The following PLEC variants were observed in gnomAD, a reference collection of about 807,000 sequenced individuals.
PLEC encodes plectin.
A neutral mutation model predicts 392.8 loss-of-function variants in PLEC; 216 were observed. The observed-to-expected ratio is 0.55, with a 90% CI of 0.49 to 0.62. PLEC has a LOEUF of 0.62. Among genes scored for constraint, PLEC ranks in the 20% least tolerant of loss-of-function variants. The pLI is 0.00. For missense variants in PLEC, 6,863 were observed against 6,563.4 expected, an observed-to-expected ratio of 1.05 and a Z score of -1.58; for synonymous variants, 3,621 against 2,980.6, an observed-to-expected ratio of 1.21 and a Z score of -7.00.
rs372380314 is a variant in PLEC, at chr8:143,937,020, G to A, written c.394C>T (p.Leu132=). 1.5e-5 allele frequency: 24 copies of A among 1,613,080 alleles called. No homozygotes were observed. The Middle Eastern group carries it at 1.2e-3, about 78-fold the overall frequency. The stretch of plus-strand genomic sequence containing the variant: ...ATTGTCCAGATGAGGCCAAGGGTCA[G>A]CTTGGGGTTGCCGTCAGCGATGTCA... ...NDDIADGNPK[L]TLGLIWTIIL... is the part of the protein sequence containing the mutation. The change falls in exon 5 of 32, where the codon CTG becomes TTG. Residue 132 remains leucine, a synonymous_variant. Coordinates refer to ENST00000345136, the MANE Select transcript of PLEC (RefSeq NM_201384.3).
upstream of PLEC, among the ~76,000 whole-genome samples, chr8:143,955,517 T>C (rs1380718370): frequency 6.6e-6 from 1 of 152,202 alleles, no homozygotes. Flanking sequence ...GAATCATACT[T>C]CCTTAGTAAA....
Position 143,950,458 on chromosome 8 carries a change from G to A in PLEC, c.249C>T (p.Arg83=), listed in dbSNP as rs371717824. ...TCTCTGGCGGCAGGTGCAGGTACTG[G>A]CGGAGGTGGGCGATGCCTTCATTGG... is the stretch of plus-strand genomic sequence containing the variant. The change falls in exon 1 of 32, where the codon CGC becomes CGT. Residue 83 remains arginine (R), a synonymous_variant. Transcript: ENST00000322810. The A allele has an allele frequency of 9.8e-5, 157 of 1,605,454 alleles. 4 individuals carry two copies. In the South Asian group the frequency reaches 1.5e-3, roughly 15 times the overall value.
intron 1 of PLEC, chr8:143,945,187 G>C: frequency 2.1e-6 from 1 of 477,550 alleles, no homozygotes. Context: ...CCGGTGGCCG[G>C]GACAGCCACC....
chr8:143,919,657 C>A lies in PLEC; in HGVS notation c.10164G>T (p.Leu3388=), dbSNP rs782100164. The A allele has an allele frequency of 4.4e-6, 7 of 1,592,094 alleles. No homozygotes were observed. In the South Asian group the frequency reaches 6.7e-5, roughly 15 times the overall value. The change falls in exon 32 of 32, where the codon CTG becomes CTT. Residue 3388 remains leucine, a synonymous_variant. Coordinates refer to ENST00000345136, the MANE Select transcript of PLEC (RefSeq NM_201384.3). ...GLLRATTAAL[L]LEAQAATGFL... The stretch of plus-strand genomic sequence containing the variant: ...AGCCAGTGGCCGCCTGCGCCTCCAG[C>A]AGGAGCGCAGCCGTTGTGGCTCTCA...
At chr8:143,957,878 G>A (rs1832679838), upstream of PLEC, among the ~76,000 whole-genome samples, 1 of 143,778 alleles carries the variant, frequency 7.0e-6, no homozygotes. Flanking sequence ...GAGCAGGCCA[G>A]TGGGCTGTGA....
chr8:143,925,786 C>T lies in PLEC; in HGVS notation c.4143G>A (p.Gln1381=), dbSNP rs1278792961. Residue 1381 remains glutamine (Q), a synonymous_variant, in exon 31 of 32, where the codon CAG becomes CAA. Coordinates refer to ENST00000345136, the MANE Select transcript of PLEC (RefSeq NM_201384.3). ...KQRQLAEAHA[Q]AKAQAEREAK... is the part of the protein sequence containing the mutation. ...CCTCCCGCTCCGCCTGTGCCTTTGC[C>T]TGGGCGTGCGCCTCGGCCAGCTGCC... 1.5e-5 allele frequency: 24 copies of T among 1,583,872 alleles called. No homozygotes were observed. Among genetic ancestry groups the T allele is most frequent in the Admixed American group, 5.1e-5 (3 of 58,400 alleles).
chr8:143,935,688 G>A (rs1828859442), intron 6 of PLEC, among the ~76,000 whole-genome samples, 160 bp downstream of exon 6: 2 of 152,160 alleles, frequency 1.3e-5, no homozygotes, highest in South Asian at 2.1e-4. Context: ...GGACACCAGG[G>A]TGGGGCTGGG....
In PLEC at chr8:143,918,169, G is replaced by T. The variant is rs1554674208; in HGVS notation, c.11652C>A (p.Thr3884=). The part of the protein sequence containing the change: ...LLPLSDARKL[T]FRGLRKQITM... Reference sequence around the variant, plus strand: ...TGATCTGCTTCCGCAGGCCACGGAAGGTCAGCTTGCGGGCGTCCGACAGTG... The same window carrying T: ...TGATCTGCTTCCGCAGGCCACGGAATGTCAGCTTGCGGGCGTCCGACAGTG... Residue 3884 remains threonine, a synonymous_variant, in exon 32 of 32, where the codon ACC becomes ACA. Transcript: ENST00000345136. 3.8e-6 allele frequency: 6 copies of T among 1,595,630 alleles called. No individual in the cohort carries two copies. Among genetic ancestry groups the T allele is most frequent in the Non-Finnish European group, 5.1e-6 (6 of 1,177,414 alleles).
At position 143,920,835 on chromosome 8, in the gene PLEC, G is replaced by C; in HGVS notation, c.8986C>G (p.Leu2996Val). The part of the protein sequence containing the change: ...LLESRVIDRE[L>V]YQQLQRGERS... ...TCACCTCGCTGCAGCTGCTGGTAGA[G>C]CTCGCGGTCGATGACCCTGCTCTCC... Residue 2996 changes from leucine to valine, a missense_variant, in exon 32 of 32, where the codon CTC becomes GTC. Transcript: ENST00000345136. 6.2e-7 allele frequency: 1 copy of C among 1,608,718 alleles called. No homozygotes were observed. The highest frequency in any genetic ancestry group is 8.5e-7 in the Non-Finnish European group (1 of 1,179,930).
chr8:143,916,328 C>A lies in PLEC; in HGVS notation c.13493G>T (p.Arg4498Leu). Reference sequence around the variant, plus strand: ...AAAGCTGCCGCGGCGGGAGCCGGCCCGGGAGCCGGTGCGCGAGCCGGTGCG... The same window carrying A: ...AAAGCTGCCGCGGCGGGAGCCGGCCAGGGAGCCGGTGCGCGAGCCGGTGCG... ...GSRTGSRTGSRAGSRRGSFDA... is the reference protein window; with the variant it reads ...GSRTGSRTGSLAGSRRGSFDA... The change falls in exon 32 of 32, where the codon CGG (arginine) becomes CTG (leucine). Residue 4498 changes from arginine to leucine, a missense_variant. By Grantham distance (102) the Arg-to-Leu change is moderately radical. Transcript: ENST00000345136. 1 of 1,590,930 alleles carries A rather than the reference C, an allele frequency of 6.3e-7. No individual in the cohort carries two copies. Among genetic ancestry groups the A allele is most frequent in the Non-Finnish European group, 8.5e-7 (1 of 1,171,492 alleles).
At chr8:143,970,346 G>A (rs1216591909) in intron 1 of PLEC, among the ~76,000 whole-genome samples, 1 of 151,996 alleles carries the variant, frequency 6.6e-6, no homozygotes, top group African/African-American at 2.4e-5. Context: ...AGAAAAACGG[G>A]GAGAGTCACA....
intron 5 of PLEC, 88 bp from the exon 6 acceptor site, chr8:143,936,102 G>T: frequency 6.8e-7 from 1 of 1,471,866 alleles, no homozygotes; most frequent in Non-Finnish European, 9.4e-7. Context: ...GGCAGGGGTA[G>T]CTCAGCACCC....
upstream of PLEC, among the ~76,000 whole-genome samples, chr8:143,941,929 C>T (rs1401611770): frequency 1.3e-5 from 2 of 152,164 alleles, no homozygotes; most frequent in African/African-American, 4.8e-5. Context: ...TGAGGAGTAT[C>T]GCCCCCGTTT....
At position 143,922,982 on chromosome 8, in the gene PLEC, A is replaced by C; in HGVS notation, c.6947T>G (p.Met2316Arg). 1 of 1,611,376 alleles carries C rather than the reference A, an allele frequency of 6.2e-7. No homozygotes were observed. Among genetic ancestry groups the C allele is most frequent in the Non-Finnish European group, 8.5e-7 (1 of 1,179,420 alleles). Reference sequence around the variant, plus strand: ...TCGCGTGGCCTCCTGCACCGCCTGCATCTTCTCCTTGAGCATCTTCTCTGC... The same window carrying C: ...TCGCGTGGCCTCCTGCACCGCCTGCCTCTTCTCCTTGAGCATCTTCTCTGC... ...ALAEKMLKEK[M>R]QAVQEATRLK... The change falls in exon 31 of 32, where the codon ATG (methionine) becomes AGG (arginine). Residue 2316 changes from methionine to arginine, a missense_variant. Coordinates refer to ENST00000345136, the MANE Select transcript of PLEC (RefSeq NM_201384.3).
chr8:143,968,125 G>A lies in PLEC; in HGVS notation c.70+5278C>T, dbSNP rs1466215238. On this transcript the variant is annotated intron_variant, in intron 1 of 31. Transcript: ENST00000356346. ...CCTGGGTGACAGAGCGAGACAGAGC[G>A]AGACTTCGTCTCAAAAAAAAAAAAA... Among the ~76,000 whole-genome samples the A allele has an allele frequency of 4.0e-5, 6 of 149,298 alleles. No homozygotes were observed. In the East Asian group the frequency reaches 5.9e-4, roughly 15 times the overall value.
intron 1 of PLEC, among the ~76,000 whole-genome samples, chr8:143,972,249 G>T (rs1434665342): frequency 6.6e-6 from 1 of 152,190 alleles, no homozygotes; most frequent in Non-Finnish European, 1.5e-5. Flanking sequence ...TCCCTCTAAG[G>T]CAGGGCCGGC....
At chr8:143,949,337 C>A (rs1244422139) in intron 1 of PLEC, among the ~76,000 whole-genome samples, 1 of 152,204 alleles carries the variant, frequency 6.6e-6, no homozygotes, top group Non-Finnish European at 1.5e-5. Flanking sequence ...CCATCCGGAG[C>A]CAGCACGGAG....
chr8:143,926,303 T>A (rs1825162182), intron 30 of PLEC, among the ~76,000 whole-genome samples: 1 of 151,412 alleles, frequency 6.6e-6, no homozygotes, highest in Non-Finnish European at 1.5e-5. Context: ...TGGGGCGGGG[T>A]GAGGCGAGGC....
At position 143,921,607 on chromosome 8, in the gene PLEC, G is replaced by A. The variant is rs782488448; in HGVS notation, c.8214C>T (p.Phe2738=). ...GCCGGTTCCGCACAGGGTCCAGCAG[G>A]AAGCCTGAGGCCGCCTGCGCCTCCA... is the stretch of plus-strand genomic sequence containing the variant. The part of the protein sequence containing the change: ...ILLEAQAASG[F]LLDPVRNRRL... Residue 2738 remains phenylalanine (F), a synonymous_variant, in exon 32 of 32, where the codon TTC becomes TTT. Transcript: ENST00000345136. 1.7e-5 allele frequency: 27 copies of A among 1,612,806 alleles called. No individual in the cohort carries two copies. The Admixed American group carries it at 4.3e-4, about 26-fold the overall frequency.
Sources: allele counts gnomAD v4.1 joint callset (sites outside exome capture counted in the v4.1 genomes callset), GRCh38; gene constraint gnomAD v4.1.1; transcripts MANE v1.5; gene names NCBI Gene and HGNC (gene_info 2026-07-23, HGNC 2026-07-21).